The following SASS6 variants were observed in gnomAD, a reference collection of about 807,000 sequenced individuals.
The protein encoded by SASS6 is spindle assembly abnormal protein 6 homolog.
SASS6 carries 59 observed loss-of-function variants against 94.9 expected under a neutral mutation model. The observed-to-expected ratio is 0.62, with a 90% CI of 0.50 to 0.77. SASS6 has a LOEUF of 0.77. SASS6 is among the 30% of genes least tolerant of loss of function. The pLI is 0.00. For synonymous variants in SASS6, 264 were observed against 270.0 expected (o/e 0.98, Z 0.22); for missense variants, 698 against 734.1 (o/e 0.95, Z 0.57).
chr1:100,127,978 C>G (rs983553549), intron 1 of SASS6, among the ~76,000 whole-genome samples: 3 of 152,044 alleles, frequency 2.0e-5, no homozygotes, highest in Non-Finnish European at 4.4e-5. Context: ...TGGTATGATA[C>G]TGCAGTTGGT....
intron 7 of SASS6, 88 bp downstream of exon 7, chr1:100,118,930 T>C (rs1030813791): frequency 1.0e-6 from 1 of 956,804 alleles, no homozygotes; most frequent in Non-Finnish European, 1.5e-6. Context: ...GTTTGGAAAA[T>C]TTAAAGCAAG....
At chr1:100,103,983 A>G (rs752986112) in intron 13 of SASS6, among the ~76,000 whole-genome samples, 8 of 152,224 alleles carry the variant, frequency 5.3e-5, no homozygotes, top group Non-Finnish European at 7.3e-5. Context: ...AAAAGTGGGT[A>G]TTAAAAGGGA....
chr1:100,085,167 T>C lies in SASS6; in HGVS notation c.*161A>G. The C allele has an allele frequency of 1.7e-6, 1 of 574,326 alleles. No homozygotes were observed. Among genetic ancestry groups the C allele is most frequent in the Non-Finnish European group, 3.1e-6 (1 of 319,832 alleles). The allele number at this position is 574,326 out of a possible 1,614,324, so 35.6% of individuals were successfully genotyped here. Reference sequence around the variant, plus strand: ...CAATCCCCAAGTACAAATTTGTTCCTATATTATAAACTGCCATAAAAGCAG... The same window carrying C: ...CAATCCCCAAGTACAAATTTGTTCCCATATTATAAACTGCCATAAAAGCAG... On this transcript the variant is annotated 3_prime_UTR_variant, in exon 17 of 17. Transcript: ENST00000287482.
At chr1:100,088,118 T>G in intron 15 of SASS6, 21 bp downstream of exon 15, 1 of 1,365,686 alleles carries the variant, frequency 7.3e-7, no homozygotes, top group Non-Finnish European at 1.0e-6. Context: ...AACATTAAAT[T>G]TTATGTCATT....
intron 7 of SASS6, among the ~76,000 whole-genome samples, chr1:100,118,296 C>G: frequency 7.4e-6 from 1 of 136,036 alleles, no homozygotes. Context: ...GCCTGGGCAA[C>G]AAAAGCAAAA....
chr1:100,126,773 A>AAAAAT (rs142640225), intron 1 of SASS6, among the ~76,000 whole-genome samples: 98 of 152,172 alleles, frequency 6.4e-4, no homozygotes, highest in African/African-American at 1.1e-3. Context: ...CCCTGTCTCA[A>AAAAAT]AAAATAAAAT....
chr1:100,113,502 T>A (rs1653537130), intron 7 of SASS6, among the ~76,000 whole-genome samples: 1 of 151,738 alleles, frequency 6.6e-6, no homozygotes, highest in African/African-American at 2.4e-5. Context: ...GTGCCTGTAG[T>A]CCCAGCTACT....
intron 2 of SASS6, 25 bp downstream of exon 2, chr1:100,125,857 T>A: frequency 8.3e-7 from 1 of 1,199,376 alleles, no homozygotes; most frequent in African/African-American, 1.5e-5. Context: ...CGAAATGATA[T>A]TTCAAAAAAG....
chr1:100,117,291 C>CAA (rs60675693), intron 7 of SASS6, among the ~76,000 whole-genome samples: 9 of 94,682 alleles, frequency 9.5e-5, no homozygotes, highest in African/African-American at 1.2e-4. Context: ...AATTCTGTCT[C>CAA]AAAAAAAAAA....
chr1:100,128,976 C>T (rs1395422400), intron 1 of SASS6, among the ~76,000 whole-genome samples: 1 of 152,130 alleles, frequency 6.6e-6, no homozygotes, highest in Non-Finnish European at 1.5e-5. Flanking sequence ...CAGTGGCTCA[C>T]ATCTGTAATC....
At chr1:100,114,186 A>G (rs1459392479) in intron 7 of SASS6, among the ~76,000 whole-genome samples, 1 of 152,060 alleles carries the variant, frequency 6.6e-6, no homozygotes, top group Non-Finnish European at 1.5e-5. Flanking sequence ...TTAAAAGGCT[A>G]ATTGTATCAG....
In SASS6 at chr1:100,085,334, G is replaced by A. The variant is rs1405595816; in HGVS notation, c.1968C>T (p.Asn656=). 1.2e-6 allele frequency: 2 copies of A among 1,601,202 alleles called. No individual in the cohort carries two copies. Among genetic ancestry groups the A allele is most frequent in the Admixed American group, 1.7e-5 (1 of 59,972 alleles). ...GTAAAACATGACACTAGAATTAACT[G>A]TTTGGTAACTGCCCAGGGAAATAGG... ...SSAYFPGQLP[N]S is the part of the protein sequence containing the mutation. The change falls in exon 17 of 17, where the codon AAC becomes AAT. Residue 656 remains asparagine (N), a synonymous_variant. Transcript: ENST00000287482.
chr1:100,124,498 A>G (rs1320621797), intron 2 of SASS6, among the ~76,000 whole-genome samples: 4 of 152,172 alleles, frequency 2.6e-5, no homozygotes, highest in Non-Finnish European at 5.9e-5. Flanking sequence ...CTTCCACCTC[A>G]GCCTCTCAAG....
chr1:100,131,937 A>G (rs1655067790), intron 1 of SASS6, among the ~76,000 whole-genome samples: 1 of 152,236 alleles, frequency 6.6e-6, no homozygotes, highest in African/African-American at 2.4e-5. Context: ...ATGAGGAAAG[A>G]ACGTTCAGAG....
chr1:100,088,095 CT>C, intron 15 of SASS6, 43 bp downstream of exon 15: 1 of 1,052,212 alleles, frequency 9.5e-7, no homozygotes. Flanking sequence ...GTAAGATGGC[CT>C]TCAAAATTGC....
At chr1:100,088,606 T>G (rs1420452164) in intron 14 of SASS6, among the ~76,000 whole-genome samples, 1 of 151,280 alleles carries the variant, frequency 6.6e-6, no homozygotes, top group East Asian at 1.9e-4. Flanking sequence ...AGTTCTATAT[T>G]GAGATGGGTG....
rs1654110068 is a variant in SASS6, at chr1:100,120,489, T to C, written c.484-30A>G. On this transcript the variant is annotated intron_variant, in intron 5 of 16. Coordinates refer to ENST00000287482, the MANE Select transcript of SASS6 (RefSeq NM_194292.3). ...TCATAAAAATAATAAAATTACACAGTTTACAATGTAATCATCTATAGCCAT... is the reference window on the plus strand; with the variant it reads ...TCATAAAAATAATAAAATTACACAGCTTACAATGTAATCATCTATAGCCAT... The C allele has an allele frequency of 5.1e-6, 5 of 988,222 alleles. No homozygotes were observed. In the South Asian group the frequency reaches 6.5e-5, roughly 13 times the overall value. The allele number at this position is 988,222 out of a possible 1,614,324, so 61.2% of individuals were successfully genotyped here. A position where few individuals can be genotyped will look rare whatever the true frequency, so the allele number is the denominator to read the frequency against.
chr1:100,103,696 CA>C (rs1652670626), intron 13 of SASS6, among the ~76,000 whole-genome samples: 1 of 152,136 alleles, frequency 6.6e-6, no homozygotes, highest in Admixed American at 6.5e-5. Context: ...TTAAGCCGGA[CA>C]AAAAATCTTT....
intron 11 of SASS6, 107 bp downstream of exon 11, chr1:100,107,267 T>C (rs1652975267): frequency 4.2e-6 from 3 of 721,094 alleles, no homozygotes; most frequent in Non-Finnish European, 4.6e-6. Context: ...TGTTCTTTTG[T>C]TAAAAAAAAA....
Sources: allele counts gnomAD v4.1 joint callset (sites outside exome capture counted in the v4.1 genomes callset), GRCh38; gene constraint gnomAD v4.1.1; transcripts MANE v1.5; gene names NCBI Gene and HGNC (gene_info 2026-07-23, HGNC 2026-07-21).